MICU1: variants seen among roughly 807,000 people sequenced by gnomAD.
MICU1 encodes the protein calcium uptake protein 1, mitochondrial.
MICU1 carries 45 observed loss-of-function variants against 56.8 expected under a neutral mutation model. The observed-to-expected ratio is 0.79, with a 90% CI of 0.62 to 1.02. MICU1 has a LOEUF of 1.02. Among genes scored for constraint, MICU1 ranks in the 50% least tolerant of loss-of-function variants. MICU1 has a pLI of 0.00. For missense variants in MICU1, 504 were observed against 587.1 expected (o/e 0.86, Z 1.46); for synonymous variants, 186 against 195.1 (o/e 0.95, Z 0.39).
rs77036743 is a variant in MICU1 at position 72,375,760 on chromosome 10, G to A, written c.1270+23C>T. 7.1e-5 allele frequency: 114 copies of A among 1,604,574 alleles called. 1 individual carries two copies. In the Middle Eastern group the frequency reaches 1.2e-3, roughly 16 times the overall value. ...AGGGCAGCTAGGCTGTTTCCCCTCCGGGCTCCAGAGGGCCCCACTCACCAT... is the reference window on the plus strand; with the variant it reads ...AGGGCAGCTAGGCTGTTTCCCCTCCAGGCTCCAGAGGGCCCCACTCACCAT... On this transcript the variant is annotated intron_variant, in intron 11 of 11. Coordinates refer to ENST00000361114, the MANE Select transcript of MICU1 (RefSeq NM_001195518.2).
chr10:72,622,402 A>T (rs1842127130), intron 1 of MICU1, among the ~76,000 whole-genome samples: 1 of 151,558 alleles, frequency 6.6e-6, no homozygotes, highest in Admixed American at 6.6e-5. Context: ...TCTCCTTCCC[A>T]CTCCAGGATA....
intron 8 of MICU1, among the ~76,000 whole-genome samples, chr10:72,470,063 T>C (rs773708373): frequency 6.6e-6 from 1 of 152,198 alleles, no homozygotes; most frequent in Non-Finnish European, 1.5e-5. Flanking sequence ...TTTTGGAATT[T>C]TGATGGGACA....
At chr10:72,525,368 C>T (rs1432989237) in intron 5 of MICU1, among the ~76,000 whole-genome samples, 1 of 152,098 alleles carries the variant, frequency 6.6e-6, no homozygotes, top group East Asian at 1.9e-4. Flanking sequence ...AATTTCTTGA[C>T]TGAAAAATGG....
At chr10:72,597,725 A>AT (rs1422760342) in intron 1 of MICU1, among the ~76,000 whole-genome samples, 1 of 152,088 alleles carries the variant, frequency 6.6e-6, no homozygotes. Flanking sequence ...TTTATACAAC[A>AT]TTTTTTGTAA....
intron 8 of MICU1, among the ~76,000 whole-genome samples, chr10:72,441,151 A>G (rs11000298): frequency 0.26 from 39,681 of 152,046 alleles, 6,623 homozygotes; most frequent in East Asian, 0.64. Context: ...GAACCAACCC[A>G]AATGTCCATC....
chr10:72,536,824 GTAATTA>G (rs1192999572), intron 4 of MICU1, among the ~76,000 whole-genome samples: 1 of 152,106 alleles, frequency 6.6e-6, no homozygotes, highest in East Asian at 1.9e-4. Context: ...GGTGTATCTT[GTAATTA>G]TAATACATCT....
chr10:72,486,328 T>A (rs1866473829), intron 6 of MICU1, among the ~76,000 whole-genome samples: 1 of 152,174 alleles, frequency 6.6e-6, no homozygotes, highest in Non-Finnish European at 1.5e-5. Flanking sequence ...ACTAGCACAA[T>A]ACATCAAAAT....
intron 5 of MICU1, chr10:72,524,120 G>T: frequency 1.8e-6 from 1 of 548,136 alleles, no homozygotes; most frequent in Non-Finnish European, 2.6e-6. Flanking sequence ...TCCCAAATAA[G>T]ACTTTTTTGT....
chr10:72,379,766 A>G (rs180827172), intron 10 of MICU1, among the ~76,000 whole-genome samples: 1 of 152,294 alleles, frequency 6.6e-6, no homozygotes, highest in East Asian at 1.9e-4. Flanking sequence ...ATTATGTTCC[A>G]TCTCACATGG....
In MICU1 at chr10:72,475,292, C is replaced by G. The variant is rs376759796; in HGVS notation, c.741G>C (p.Gln247His). The stretch of plus-strand genomic sequence containing the variant: ...TACTGGTTTGGGAGCGAATGATGCT[C>G]TGAACCTAATACAGAATCAAACCCA... ...EVDMEEFEQV[Q>H]SIIRSQTSMG... Residue 247 changes from glutamine to histidine, a missense_variant, in exon 8 of 12, where the codon CAG becomes CAC. Transcript: ENST00000361114. 1 of 1,600,512 alleles carries G rather than the reference C, an allele frequency of 6.2e-7. No individual in the cohort carries two copies. Among genetic ancestry groups the G allele is most frequent in the Non-Finnish European group, 8.5e-7 (1 of 1,172,892 alleles).
chr10:72,535,117 C>T lies in MICU1; in HGVS notation c.494-1328G>A, dbSNP rs927421423. Among the ~76,000 whole-genome samples the T allele has an allele frequency of 2.0e-5, 3 of 151,418 alleles. No individual in the cohort carries two copies. In the East Asian group the frequency reaches 5.8e-4, roughly 29 times the overall value. On this transcript the variant is annotated intron_variant, in intron 4 of 11. Coordinates refer to ENST00000361114, the MANE Select transcript of MICU1 (RefSeq NM_001195518.2). ...TGATCTTGGCTCACTGCAACCTCCACCTCCTGGGTTCAAGTGATTCTCCTG... is the reference window on the plus strand; with the variant it reads ...TGATCTTGGCTCACTGCAACCTCCATCTCCTGGGTTCAAGTGATTCTCCTG...
At chr10:72,580,298 T>C (rs1840862836) in intron 1 of MICU1, among the ~76,000 whole-genome samples, 1 of 152,110 alleles carries the variant, frequency 6.6e-6, no homozygotes, top group African/African-American at 2.4e-5. Context: ...TATTTTTTAG[T>C]GGAATGTTAT....
At chr10:72,378,831 C>T (rs913474398) in intron 10 of MICU1, among the ~76,000 whole-genome samples, 10 of 152,096 alleles carry the variant, frequency 6.6e-5, no homozygotes, top group Non-Finnish European at 1.5e-4. Context: ...TGGAGGGATG[C>T]CACCAGACAA....
At chr10:72,536,425 C>A (rs979178754) in intron 4 of MICU1, among the ~76,000 whole-genome samples, 2 of 152,094 alleles carry the variant, frequency 1.3e-5, no homozygotes, top group Non-Finnish European at 2.9e-5. Context: ...CGGCTCACTG[C>A]AACCTCCACC....
Position 72,495,616 on chromosome 10 carries a change from T to C in MICU1, c.652+12539A>G, listed in dbSNP as rs904842696. ...GTTGCAGTGAGCCAAGATTGTACCA[T>C]TGTACTCCAGCCTGGGCAACAAGAG... On this transcript the variant is annotated intron_variant, in intron 6 of 11. Coordinates refer to ENST00000361114, the MANE Select transcript of MICU1 (RefSeq NM_001195518.2). Among the ~76,000 whole-genome samples the C allele has an allele frequency of 8.3e-5, 12 of 144,952 alleles. No individual in the cohort carries two copies. In the East Asian group the frequency reaches 1.4e-3, roughly 17 times the overall value.
At chr10:72,452,742 C>T (rs566098971) in intron 8 of MICU1, among the ~76,000 whole-genome samples, 1 of 152,008 alleles carries the variant, frequency 6.6e-6, no homozygotes, top group South Asian at 2.1e-4. Flanking sequence ...AGAATGTATC[C>T]CCATCGCTAG....
intron 1 of MICU1, among the ~76,000 whole-genome samples, chr10:72,616,586 TAA>T (rs35703758): frequency 2.5e-4 from 24 of 96,410 alleles, no homozygotes; most frequent in South Asian, 3.6e-4. Flanking sequence ...AAACTCCATC[TAA>T]AAAAAAAAAA....
At chr10:72,557,008 G>A (rs1840175683) in intron 3 of MICU1, among the ~76,000 whole-genome samples, 1 of 152,046 alleles carries the variant, frequency 6.6e-6, no homozygotes, top group Non-Finnish European at 1.5e-5. Flanking sequence ...GGAGGATGCA[G>A]TGAGCAGAGA....
At chr10:72,455,068 C>T (rs1414955047) in intron 8 of MICU1, among the ~76,000 whole-genome samples, 4 of 151,336 alleles carry the variant, frequency 2.6e-5, no homozygotes, top group East Asian at 2.0e-4. Flanking sequence ...GATCGAAGTT[C>T]GGCCAGGCGC....
Sources: allele counts gnomAD v4.1 joint callset (sites outside exome capture counted in the v4.1 genomes callset), GRCh38; gene constraint gnomAD v4.1.1; transcripts MANE v1.5; gene names NCBI Gene and HGNC (gene_info 2026-07-23, HGNC 2026-07-21).